The following EPHA6 variants were observed in gnomAD, a reference collection of about 807,000 sequenced individuals.
The protein encoded by EPHA6 is ephrin type-A receptor 6.
In EPHA6, 50 loss-of-function variants were observed where a neutral mutation model predicts 112.0. That is an observed-to-expected ratio of 0.45 (90% CI 0.36 to 0.56). EPHA6 has a LOEUF of 0.56. Ranked by LOEUF, EPHA6 falls within the 20% of genes least tolerant of loss-of-function variation. EPHA6 has a pLI of 0.00. For synonymous variants in EPHA6, 529 were observed against 490.7 expected (o/e 1.08, Z -1.03); for missense variants, 1,280 against 1,417.4 (o/e 0.90, Z 1.56).
At chr3:97,184,847 G>T (rs371383793) in intron 3 of EPHA6, among the ~76,000 whole-genome samples, 2 of 152,128 alleles carry the variant, frequency 1.3e-5, no homozygotes, top group Non-Finnish European at 1.5e-5. Context: ...AAATAGTATG[G>T]TACTGTTACC....
chr3:96,883,168 C>T (rs142299146), intron 2 of EPHA6, among the ~76,000 whole-genome samples: 1 of 152,222 alleles, frequency 6.6e-6, no homozygotes, highest in East Asian at 1.9e-4. Context: ...TTAAATTTCC[C>T]TGATCATTAG....
At chr3:97,155,308 C>G (rs1204075260) in intron 3 of EPHA6, among the ~76,000 whole-genome samples, 2 of 152,142 alleles carry the variant, frequency 1.3e-5, no homozygotes, top group East Asian at 3.9e-4. Flanking sequence ...TTTGCCGTAG[C>G]TGTACAGAAT....
At chr3:96,840,027 T>G (rs2034642326) in intron 1 of EPHA6, among the ~76,000 whole-genome samples, 1 of 151,508 alleles carries the variant, frequency 6.6e-6, no homozygotes, top group South Asian at 2.1e-4. Flanking sequence ...TGCCAAAGAG[T>G]ATTGAAAGAG....
At chr3:97,027,962 G>A (rs528445032) in intron 3 of EPHA6, among the ~76,000 whole-genome samples, 8 of 152,130 alleles carry the variant, frequency 5.3e-5, no homozygotes, top group African/African-American at 1.4e-4. Flanking sequence ...GTGGAATTGC[G>A]TGTCTAGAAT....
At chr3:97,129,685 A>G (rs890016664) in intron 3 of EPHA6, among the ~76,000 whole-genome samples, 2 of 152,138 alleles carry the variant, frequency 1.3e-5, no homozygotes, top group Admixed American at 6.5e-5. Flanking sequence ...AGTAGTAGAG[A>G]GAGACTGGGC....
intron 3 of EPHA6, among the ~76,000 whole-genome samples, chr3:97,083,589 G>A (rs116788130): frequency 5.9e-5 from 9 of 151,978 alleles, no homozygotes; most frequent in Admixed American, 4.6e-4. Flanking sequence ...ATTGATAAAT[G>A]ATTCCCAGGT....
intron 6 of EPHA6, among the ~76,000 whole-genome samples, chr3:97,415,074 TCCA>T (rs2088020763): frequency 6.6e-6 from 1 of 151,982 alleles, no homozygotes; most frequent in South Asian, 2.1e-4. Context: ...AGAGTCCTCT[TCCA>T]TTAGGGCAGT....
intron 10 of EPHA6, among the ~76,000 whole-genome samples, chr3:97,518,212 C>A (rs2092477362): frequency 6.6e-6 from 1 of 152,168 alleles, no homozygotes; most frequent in South Asian, 2.1e-4. Context: ...GCCAACAGTG[C>A]ACAAGGTTTT....
intron 3 of EPHA6, among the ~76,000 whole-genome samples, chr3:97,176,264 AT>A (rs1459686523): frequency 1.3e-5 from 2 of 151,968 alleles, no homozygotes; most frequent in Admixed American, 1.3e-4. Context: ...GTCATGATGA[AT>A]GATCTTTCTA....
At chr3:96,832,296 G>A (rs1338350279) in intron 1 of EPHA6, among the ~76,000 whole-genome samples, 1 of 151,988 alleles carries the variant, frequency 6.6e-6, no homozygotes, top group East Asian at 1.9e-4. Context: ...GGATGGTTAG[G>A]TGTAATTTTA....
chr3:97,218,472 A>C (rs114567654), intron 3 of EPHA6, among the ~76,000 whole-genome samples: 504 of 152,248 alleles, frequency 3.3e-3, no homozygotes, highest in African/African-American at 0.011. Flanking sequence ...CCTTTTTCAC[A>C]AGACAGGAGG....
rs1457594662 is a variant in EPHA6, at chr3:97,341,738, A to C, written c.1607-63412A>C. On this transcript the variant is annotated intron_variant, in intron 5 of 17. Coordinates refer to ENST00000389672, the MANE Select transcript of EPHA6 (RefSeq NM_001080448.3). ...CAATGTTTTACATATATAATCAAAA[A>C]CTTTGGCTTGCTTTGGTGATACAGT... Among the ~76,000 whole-genome samples the C allele has an allele frequency of 5.3e-4, 80 of 152,084 alleles. 1 individual carries two copies.
intron 2 of EPHA6, among the ~76,000 whole-genome samples, chr3:96,952,486 C>G (rs564407522): frequency 2.0e-5 from 3 of 152,260 alleles, no homozygotes; most frequent in African/African-American, 7.2e-5. Flanking sequence ...TGGCCCTCTT[C>G]GTTTCTCTTT....
intron 11 of EPHA6, among the ~76,000 whole-genome samples, chr3:97,556,594 A>T (rs979211900): frequency 6.6e-6 from 1 of 152,026 alleles, no homozygotes; most frequent in African/African-American, 2.4e-5. Context: ...TCCATGATTC[A>T]ATTACCTCCA....
At chr3:97,408,557 C>A (rs190976465) in intron 6 of EPHA6, among the ~76,000 whole-genome samples, 1 of 152,112 alleles carries the variant, frequency 6.6e-6, no homozygotes, top group African/African-American at 2.4e-5. Context: ...GGCTTATAAA[C>A]AATAGACATT....
intron 2 of EPHA6, among the ~76,000 whole-genome samples, chr3:96,921,964 T>G (rs1326839286): frequency 6.6e-6 from 1 of 152,100 alleles, no homozygotes; most frequent in Non-Finnish European, 1.5e-5. Flanking sequence ...TCTAGAAGAA[T>G]AATGTGAATC....
intron 10 of EPHA6, among the ~76,000 whole-genome samples, chr3:97,496,211 T>C (rs1402572425): frequency 6.6e-6 from 1 of 152,140 alleles, no homozygotes; most frequent in Non-Finnish European, 1.5e-5. Context: ...CTTGTTCACA[T>C]GGAAAGCTCT....
chr3:97,295,153 C>A (rs1046944387), intron 5 of EPHA6, among the ~76,000 whole-genome samples: 8 of 152,072 alleles, frequency 5.3e-5, no homozygotes, highest in African/African-American at 1.7e-4. Flanking sequence ...CCTGTTATTT[C>A]ACTAAATTGG....
intron 10 of EPHA6, among the ~76,000 whole-genome samples, chr3:97,513,424 TCCA>T (rs1196030941): frequency 6.6e-6 from 1 of 152,204 alleles, no homozygotes; most frequent in Non-Finnish European, 1.5e-5. Context: ...AACCTAAGTG[TCCA>T]CCAACAGATA....
Sources: allele counts gnomAD v4.1 joint callset (sites outside exome capture counted in the v4.1 genomes callset), GRCh38; gene constraint gnomAD v4.1.1; transcripts MANE v1.5; gene names NCBI Gene and HGNC (gene_info 2026-07-23, HGNC 2026-07-21).